Variants in NT5E observed in about 807,000 individuals in gnomAD.
The protein encoded by NT5E is 5'-nucleotidase.
Under a neutral mutation model 55.1 loss-of-function variants are expected in NT5E, and 53 were observed. The observed-to-expected ratio is 0.96, with a 90% confidence interval of 0.77 to 1.21. The LOEUF (loss-of-function observed/expected upper bound fraction) is 1.21. Among genes scored for constraint, NT5E ranks in the 50% most tolerant of loss-of-function variants. NT5E has a pLI of 0.00. For synonymous variants in NT5E, 270 were observed against 278.4 expected (o/e 0.97, Z 0.30); for missense variants, 683 against 724.3 (o/e 0.94, Z 0.65).
At chr6:85,491,088 C>A (rs1388787350) in intron 7 of NT5E, 1 of 530,100 alleles carries the variant, frequency 1.9e-6, no homozygotes. Flanking sequence ...CTGGAAGGAG[C>A]AGCCTACTGC....
intron 8 of NT5E, among the ~76,000 whole-genome samples, chr6:85,493,504 A>C (rs901691795): frequency 6.6e-6 from 1 of 152,166 alleles, no homozygotes; most frequent in African/African-American, 2.4e-5. Context: ...AGCCAGTTTT[A>C]TCTCTCAACT....
chr6:85,457,904 A>T (rs1312796044), intron 1 of NT5E, among the ~76,000 whole-genome samples: 1 of 152,154 alleles, frequency 6.6e-6, no homozygotes, highest in Non-Finnish European at 1.5e-5. Flanking sequence ...TATAAAGGAG[A>T]GAGGTTAAAC....
In NT5E at chr6:85,459,415, A is replaced by T. The variant is rs540219878; in HGVS notation, c.340-7645A>T. ...TATTAAAATTTATTTATGTGGAACA[A>T]AAAAATTCTTTTCTTCTGCATCATG... On this transcript the variant is annotated intron_variant, in intron 1 of 8. Transcript: ENST00000257770. Among the ~76,000 whole-genome samples, 4 of 152,360 alleles carry T rather than the reference A, an allele frequency of 2.6e-5. No individual in the cohort carries two copies. In the South Asian group the frequency reaches 8.3e-4, roughly 32 times the overall value.
intron 3 of NT5E, 25 bp downstream of exon 3, chr6:85,471,450 G>T: frequency 6.2e-7 from 1 of 1,603,440 alleles, no homozygotes; most frequent in Non-Finnish European, 8.5e-7. Context: ...AGGATTGCAT[G>T]GGCCAGGATG....
chr6:85,486,192 A>G (rs545346283), intron 4 of NT5E, among the ~76,000 whole-genome samples: 14 of 152,356 alleles, frequency 9.2e-5, no homozygotes, highest in Non-Finnish European at 1.3e-4. Context: ...GTACATTTGT[A>G]TGTAGAAGTA....
intron 2 of NT5E, among the ~76,000 whole-genome samples, chr6:85,469,127 C>T (rs1286021818): frequency 6.6e-6 from 1 of 152,206 alleles, no homozygotes. Context: ...CACATTTAAT[C>T]TAATTTATTT....
chr6:85,492,400 T>C (rs1471487040), intron 8 of NT5E, among the ~76,000 whole-genome samples: 1 of 152,242 alleles, frequency 6.6e-6, no homozygotes, highest in Non-Finnish European at 1.5e-5. Flanking sequence ...AAAACATTTG[T>C]AAATCAAAAA....
rs771916110 is a variant in NT5E at position 85,492,014 on chromosome 6, A to G, written c.1398A>G (p.Gly466=). ...TGTATGATCTTTCCCGAAAACCTGGAGACAGAGTAGTCAAATTAGATGTTC... is the reference window on the plus strand; with the variant it reads ...TGTATGATCTTTCCCGAAAACCTGGGGACAGAGTAGTCAAATTAGATGTTC... ...HVVYDLSRKP[G]DRVVKLDVLC... is the part of the protein sequence containing the mutation. Residue 466 remains glycine, a synonymous_variant, in exon 8 of 9, where the codon GGA becomes GGG. Transcript: ENST00000257770. 1.4e-5 allele frequency: 22 copies of G among 1,614,076 alleles called. No individual in the cohort carries two copies. In the East Asian group the frequency reaches 4.9e-4, roughly 36 times the overall value.
At chr6:85,487,095 A>AGAT (rs1167701056) in intron 4 of NT5E, among the ~76,000 whole-genome samples, 2 of 152,172 alleles carry the variant, frequency 1.3e-5, no homozygotes, top group East Asian at 3.8e-4. Context: ...TAGCTCATAC[A>AGAT]GATGTGATGA....
intron 3 of NT5E, among the ~76,000 whole-genome samples, chr6:85,484,772 C>A (rs1464200226): frequency 6.6e-6 from 1 of 152,150 alleles, no homozygotes; most frequent in Non-Finnish European, 1.5e-5. Context: ...GTGCCAGGCA[C>A]CCCAGCTAGG....
rs1254058043 is a variant in NT5E at position 85,487,316 on chromosome 6, C to G, written c.950-19C>G. ...AGTGTGAGATTTAATTGTAGGGTAC[C>G]TTCTTTTCTTTCTTCTAGATCCAAG... On this transcript the variant is annotated intron_variant, in intron 4 of 8. Coordinates refer to ENST00000257770, the MANE Select transcript of NT5E (RefSeq NM_002526.4). 5.6e-6 allele frequency: 9 copies of G among 1,608,002 alleles called. No individual in the cohort carries two copies. The African/African-American group carries it at 1.2e-4, about 21-fold the overall frequency.
chr6:85,486,782 G>A (rs1006760984), intron 4 of NT5E, among the ~76,000 whole-genome samples: 1 of 152,188 alleles, frequency 6.6e-6, no homozygotes, highest in African/African-American at 2.4e-5. Flanking sequence ...CCCTACATGA[G>A]TCTCAGAGTA....
Position 85,494,444 on chromosome 6 carries a change from A to C in NT5E, c.*440A>C, listed in dbSNP as rs371699211. 23 of 189,628 alleles carry C rather than the reference A, an allele frequency of 1.2e-4. 2 individuals are homozygous for C. The highest frequency in any genetic ancestry group is 4.5e-4 in the African/African-American group (19 of 41,952). The allele number at this position is 189,628 out of a possible 1,614,324, so 11.7% of individuals were successfully genotyped here. On this transcript the variant is annotated 3_prime_UTR_variant, in exon 9 of 9. Transcript: ENST00000257770. ...AGATGTTTTTCCCACCTGTCAGATG[A>C]AAAAACTGAAGCTCAAAAAGGGTTG...
chr6:85,494,026 A>C lies in NT5E; in HGVS notation c.*22A>C. On this transcript the variant is annotated 3_prime_UTR_variant, in exon 9 of 9. Coordinates refer to ENST00000257770, the MANE Select transcript of NT5E (RefSeq NM_002526.4). ...ATAGCCAAAAATTCTCCTTGCCTTT[A>C]ATGTGTGAAACTGCATTTTTTCAAG... 6.2e-7 allele frequency: 1 copy of C among 1,612,750 alleles called. No individual in the cohort carries two copies. The highest frequency in any genetic ancestry group is 8.5e-7 in the Non-Finnish European group (1 of 1,179,220).
At chr6:85,452,806 A>G (rs1359237472) in intron 1 of NT5E, among the ~76,000 whole-genome samples, 3 of 152,204 alleles carry the variant, frequency 2.0e-5, no homozygotes, top group East Asian at 3.9e-4. Flanking sequence ...TGTGGTATAA[A>G]CGTTCCTCCA....
In NT5E at chr6:85,485,367, A is replaced by G; in HGVS notation, c.884A>G (p.Asp295Gly). 6.2e-7 allele frequency: 1 copy of G among 1,614,236 alleles called. No individual in the cohort carries two copies. The highest frequency in any genetic ancestry group is 1.1e-5 in the South Asian group (1 of 91,086). Residue 295 changes from aspartate to glycine, a missense_variant, in exon 4 of 9, where the codon GAT (aspartate) becomes GGT (glycine). By Grantham distance (94) the Asp-to-Gly change is moderately conservative (BLOSUM62 -1). Coordinates refer to ENST00000257770, the MANE Select transcript of NT5E (RefSeq NM_002526.4). The stretch of plus-strand genomic sequence containing the variant: ...CTAGGCTATCTGAAGATCGAGTTTG[A>G]TGAAAGAGGAAACGTCATCTCTTCC... Reference protein sequence around the residue: ...KYLGYLKIEFDERGNVISSHG... With the variant: ...KYLGYLKIEFGERGNVISSHG...
Position 85,493,875 on chromosome 6 carries a change from C to T in NT5E, c.1596C>T (p.Ile532=). The part of the protein sequence containing the change: ...DQDINVVSTY[I]SKMKVIYPAV... ...ATATCAACGTGGTTTCTACATATAT[C>T]TCCAAAATGAAAGTAATTTATCCAG... The change falls in exon 9 of 9, where the codon ATC becomes ATT. Residue 532 remains isoleucine (I), a synonymous_variant. Coordinates refer to ENST00000257770, the MANE Select transcript of NT5E (RefSeq NM_002526.4). 1 of 1,613,934 alleles carries T rather than the reference C, an allele frequency of 6.2e-7. No individual in the cohort carries two copies. Among genetic ancestry groups the T allele is most frequent in the East Asian group, 2.2e-5 (1 of 44,854 alleles).
chr6:85,492,656 T>C (rs1769810673), intron 8 of NT5E, among the ~76,000 whole-genome samples: 1 of 152,122 alleles, frequency 6.6e-6, no homozygotes, highest in African/African-American at 2.4e-5. Flanking sequence ...TAACCATACT[T>C]GATGTCAGTT....
intron 1 of NT5E, among the ~76,000 whole-genome samples, chr6:85,466,538 G>A (rs1365633322): frequency 6.6e-6 from 1 of 152,168 alleles, no homozygotes; most frequent in Non-Finnish European, 1.5e-5. Flanking sequence ...GAGGACCACA[G>A]GAGTGCTTGG....
Sources: allele counts gnomAD v4.1 joint callset (sites outside exome capture counted in the v4.1 genomes callset), GRCh38; gene constraint gnomAD v4.1.1; transcripts MANE v1.5; gene names NCBI Gene and HGNC (gene_info 2026-07-23, HGNC 2026-07-21).